The following ELMO1 variants were observed in gnomAD, a reference collection of about 807,000 sequenced individuals.
ELMO1 encodes engulfment and cell motility 1, also known as engulfment and cell motility protein 1.
In ELMO1, 26 loss-of-function variants were observed where a neutral mutation model predicts 98.9. That is an observed-to-expected ratio of 0.26 (90% CI 0.19 to 0.36). The LOEUF is 0.36. Among genes scored for constraint, ELMO1 ranks in the 10% least tolerant of loss-of-function variants. ELMO1 has a pLI of 1.00. For synonymous variants in ELMO1, 346 were observed against 346.0 expected (o/e 1.00, Z 0.00); for missense variants, 627 against 935.2 (o/e 0.67, Z 4.30).
chr7:36,968,320 G>A (rs966577971), intron 16 of ELMO1, among the ~76,000 whole-genome samples: 2 of 152,132 alleles, frequency 1.3e-5, no homozygotes, highest in Admixed American at 6.5e-5. Context: ...TGGAATAGAA[G>A]GATAAATATC....
Position 37,176,018 on chromosome 7 carries a change from G to T in ELMO1, c.1086+35368C>A, listed in dbSNP as rs1439561992. On this transcript the variant is annotated intron_variant, in intron 13 of 21. Transcript: ENST00000310758. ...TAGGATTCAGATTAGACACAAGAAA[G>T]AACTTTCAAGTGATGTTTGGAATGA... 6.9e-4 allele frequency among the ~76,000 whole-genome samples: 105 copies of T among 152,308 alleles called. 1 individual carries two copies. The highest frequency in any genetic ancestry group is 2.9e-5 in the Non-Finnish European group (2 of 68,026).
chr7:37,121,173 GA>G (rs1018269909), intron 14 of ELMO1, among the ~76,000 whole-genome samples: 2 of 152,104 alleles, frequency 1.3e-5, no homozygotes, highest in African/African-American at 4.8e-5. Context: ...CAAAGATGGG[GA>G]AAAAACAGAG....
chr7:37,091,175 T>G (rs6955522), intron 15 of ELMO1, among the ~76,000 whole-genome samples: 8,553 of 152,246 alleles, frequency 0.056, 573 homozygotes, highest in African/African-American at 0.17. Flanking sequence ...TGGGGCAATA[T>G]CGACTCACTG....
intron 13 of ELMO1, among the ~76,000 whole-genome samples, chr7:37,187,192 G>C (rs892744339): frequency 6.6e-6 from 1 of 152,174 alleles, no homozygotes; most frequent in Admixed American, 6.5e-5. Context: ...CATGCTAAGT[G>C]AAAGAAGCCA....
intron 14 of ELMO1, among the ~76,000 whole-genome samples, chr7:37,103,278 A>T (rs1784740956): frequency 6.6e-6 from 1 of 152,222 alleles, no homozygotes; most frequent in South Asian, 2.1e-4. Context: ...TGGTTGCTGT[A>T]GCAGTTATTA....
intron 1 of ELMO1, among the ~76,000 whole-genome samples, chr7:37,428,030 G>GGTGT (rs10681558): frequency 0.36 from 54,187 of 149,648 alleles, 9,965 homozygotes; most frequent in East Asian, 0.61. Context: ...GTATGCTTGG[G>GGTGT]GTGTGTGTGT....
At chr7:36,948,975 C>A (rs1787743374) in intron 16 of ELMO1, among the ~76,000 whole-genome samples, 1 of 152,148 alleles carries the variant, frequency 6.6e-6, no homozygotes, top group Admixed American at 6.5e-5. Context: ...CCTGCCTCAG[C>A]TTCCCGAGTA....
intron 5 of ELMO1, among the ~76,000 whole-genome samples, chr7:37,265,932 A>C (rs898396490): frequency 6.6e-6 from 1 of 152,034 alleles, no homozygotes; most frequent in Non-Finnish European, 1.5e-5. Flanking sequence ...CCTTCCTCAA[A>C]GAGCACCACA....
At chr7:37,413,527 T>C (rs1273266374) in intron 1 of ELMO1, among the ~76,000 whole-genome samples, 1 of 152,200 alleles carries the variant, frequency 6.6e-6, no homozygotes, top group East Asian at 1.9e-4. Context: ...AACCAAACTG[T>C]CTGAAGATAT....
chr7:36,873,115 C>T (rs976636333), intron 19 of ELMO1, among the ~76,000 whole-genome samples: 6 of 152,170 alleles, frequency 3.9e-5, no homozygotes, highest in South Asian at 2.1e-4. Flanking sequence ...CCAGCTGCTA[C>T]ATCATTCATA....
chr7:37,192,931 TTA>T (rs1205863612), intron 13 of ELMO1, among the ~76,000 whole-genome samples: 2 of 143,296 alleles, frequency 1.4e-5, no homozygotes, highest in African/African-American at 2.6e-5. Context: ...TATATATAAT[TTA>T]TATATAGATA....
intron 20 of ELMO1, among the ~76,000 whole-genome samples, chr7:36,866,660 T>C (rs1006764699): frequency 6.6e-6 from 1 of 152,220 alleles, no homozygotes; most frequent in Non-Finnish European, 1.5e-5. Context: ...TCAGTTTGCC[T>C]TGCTCGGTGA....
At chr7:37,185,461 A>G (rs1791139375) in intron 13 of ELMO1, among the ~76,000 whole-genome samples, 1 of 152,232 alleles carries the variant, frequency 6.6e-6, no homozygotes, top group Admixed American at 6.5e-5. Context: ...TTCCAAACAA[A>G]GGTCCACTTT....
intron 16 of ELMO1, among the ~76,000 whole-genome samples, chr7:37,006,559 G>A (rs1332758040): frequency 6.6e-6 from 1 of 152,118 alleles, no homozygotes; most frequent in Non-Finnish European, 1.5e-5. Context: ...TGAGGGAGTG[G>A]GGACATCATC....
chr7:37,250,990 C>G (rs754924920), intron 6 of ELMO1, among the ~76,000 whole-genome samples: 4 of 151,984 alleles, frequency 2.6e-5, no homozygotes, highest in Admixed American at 6.6e-5. Context: ...AAATGTTTCC[C>G]CTGTTTTTCT....
intron 16 of ELMO1, chr7:36,986,188 C>T (rs2129148043): frequency 1.0e-6 from 1 of 985,604 alleles, no homozygotes; most frequent in South Asian, 4.7e-5. Flanking sequence ...CCCAGGGATG[C>T]TCCGATTGGC....
chr7:37,290,979 C>T (rs140574106), intron 4 of ELMO1, among the ~76,000 whole-genome samples: 207 of 152,256 alleles, frequency 1.4e-3, no homozygotes, highest in South Asian at 1.7e-3. Flanking sequence ...ATTCACTCTA[C>T]TAGAAATCTA....
chr7:37,150,893 A>G (rs77181491), intron 13 of ELMO1, among the ~76,000 whole-genome samples: 6,104 of 152,312 alleles, frequency 0.04, 425 homozygotes, highest in African/African-American at 0.14. Flanking sequence ...AAGGAAATAA[A>G]TTCATTTTGC....
intron 2 of ELMO1, among the ~76,000 whole-genome samples, chr7:37,318,195 G>A (rs370862818): frequency 1.4e-4 from 22 of 152,192 alleles, no homozygotes; most frequent in South Asian, 6.2e-4. Context: ...AAATGTGTTC[G>A]CTCAACCAAA....
Sources: allele counts gnomAD v4.1 joint callset (sites outside exome capture counted in the v4.1 genomes callset), GRCh38; gene constraint gnomAD v4.1.1; transcripts MANE v1.5; gene names NCBI Gene and HGNC (gene_info 2026-07-23, HGNC 2026-07-21).